TAB2: variants seen among roughly 807,000 people sequenced by gnomAD.
TAB2 encodes the protein TGF-beta activated kinase 1 (MAP3K7) binding protein 2.
Under a neutral mutation model 65.0 loss-of-function variants are expected in TAB2, and 3 were observed. That is an observed-to-expected ratio of 0.05 (90% CI 0.02 to 0.12). The LOEUF (loss-of-function observed/expected upper bound fraction) is 0.12, where lower values mean the gene tolerates loss of function less well. Among genes scored for constraint, TAB2 ranks in the 10% least tolerant of loss-of-function variants. TAB2 has a pLI of 1.00. For synonymous variants in TAB2, 298 were observed against 285.1 expected (o/e 1.05, Z -0.46); for missense variants, 623 against 840.3 (o/e 0.74, Z 3.20).
chr6:149,366,939 C>T (rs749205367), intron 1 of TAB2, among the ~76,000 whole-genome samples: 1 of 143,742 alleles, frequency 7.0e-6, no homozygotes, highest in Non-Finnish European at 1.5e-5. Context: ...TTGCCTCTCC[C>T]TCAAATTGTG....
chr6:149,317,988 GA>G lies in TAB2; in HGVS notation c.-116del. On this transcript the variant is annotated 5_prime_UTR_variant, in exon 1 of 7. Coordinates refer to ENST00000637181, the MANE Select transcript of TAB2 (RefSeq NM_001292034.3). The surrounding 1 kb of genome is among the most constrained non-coding windows in gnomAD (Gnocchi z 4.7). Reference sequence around the variant, plus strand: ...GGCGGCGGCGGCGGCGGCCGAGGAGGAGGAGGGGGAAGCGGCGGCGGCAAAG... The same window carrying G: ...GGCGGCGGCGGCGGCGGCCGAGGAGGGGAGGGGGAAGCGGCGGCGGCAAAG... 5.8e-6 allele frequency: 1 copy of G among 172,396 alleles called. No individual in the cohort carries two copies. The highest frequency in any genetic ancestry group is 2.4e-5 in the African/African-American group (1 of 41,654). 10.7% of individuals were successfully genotyped at this position (172,396 alleles called of 1,614,324 possible). A position where few individuals can be genotyped will look rare whatever the true frequency, so the allele number is the denominator to read the frequency against.
intron 1 of TAB2, among the ~76,000 whole-genome samples, chr6:149,236,904 TC>T (rs1332248595): frequency 1.3e-5 from 2 of 152,224 alleles, no homozygotes; most frequent in African/African-American, 4.8e-5. Flanking sequence ...CATAATCTTT[TC>T]CTTTGACTTT....
chr6:149,374,604 C>T lies in TAB2; in HGVS notation c.103-3414C>T, dbSNP rs144198593. Among the ~76,000 whole-genome samples the T allele has an allele frequency of 5.0e-3, 764 of 152,286 alleles. 8 individuals carry two copies. Among genetic ancestry groups the T allele is most frequent in the African/African-American group, 0.018 (739 of 41,568 alleles). ...GTTTCTAAGCAGTGATCATCAATAGCTGCTAAAAATCATCAGTTGGATCAA... is the reference window on the plus strand; with the variant it reads ...GTTTCTAAGCAGTGATCATCAATAGTTGCTAAAAATCATCAGTTGGATCAA... On this transcript the variant is annotated intron_variant, in intron 2 of 6. Transcript: ENST00000637181.
At chr6:149,289,610 T>A (rs1778739254) in intron 1 of TAB2, among the ~76,000 whole-genome samples, 2 of 152,200 alleles carry the variant, frequency 1.3e-5, no homozygotes, top group African/African-American at 4.8e-5. Flanking sequence ...CTCCAGCCAC[T>A]GGGCCCCTTG....
At chr6:149,234,412 G>T (rs1301076545) in intron 1 of TAB2, among the ~76,000 whole-genome samples, 4 of 152,166 alleles carry the variant, frequency 2.6e-5, no homozygotes, top group Non-Finnish European at 5.9e-5. Flanking sequence ...ACTGGGGCCA[G>T]CAGGAAGTCA....
intron 1 of TAB2, among the ~76,000 whole-genome samples, chr6:149,326,975 G>C (rs1243209367): frequency 6.6e-6 from 1 of 152,142 alleles, no homozygotes; most frequent in Non-Finnish European, 1.5e-5. Context: ...AATTAGGTCA[G>C]CAAATTAATT....
At chr6:149,382,785 T>A (rs2341784) in intron 3 of TAB2, among the ~76,000 whole-genome samples, 18,618 of 152,024 alleles carry the variant, frequency 0.12, 1,750 homozygotes, top group East Asian at 0.51. Context: ...TTGAGAGGGA[T>A]GTAGCTAAAA....
chr6:149,288,854 ATTTTTTT>A (rs71007938), intron 1 of TAB2, among the ~76,000 whole-genome samples: 2 of 115,370 alleles, frequency 1.7e-5, no homozygotes, highest in African/African-American at 7.1e-5. Context: ...TTAATTTTTA[ATTTTTTT>A]TTTTTTTTTT....
At chr6:149,346,906 CT>C (rs1023738609) in intron 1 of TAB2, among the ~76,000 whole-genome samples, 2 of 152,078 alleles carry the variant, frequency 1.3e-5, no homozygotes, top group African/African-American at 2.4e-5. Flanking sequence ...CCTTCAAGTG[CT>C]TTTATTCTCT....
chr6:149,338,535 G>A (rs1403116131), intron 1 of TAB2, among the ~76,000 whole-genome samples: 1 of 152,192 alleles, frequency 6.6e-6, no homozygotes, highest in Non-Finnish European at 1.5e-5. Flanking sequence ...GAAAGTTGAG[G>A]AGGGAAACTA....
At chr6:149,250,040 C>T (rs1044892321) in intron 1 of TAB2, among the ~76,000 whole-genome samples, 5 of 151,930 alleles carry the variant, frequency 3.3e-5, no homozygotes, top group Non-Finnish European at 7.4e-5. Flanking sequence ...AAGGGCATTC[C>T]AGGGAGAGGA....
At chr6:149,321,052 G>C (rs1201564888) in intron 1 of TAB2, 4 of 152,302 alleles carry the variant, frequency 2.6e-5, no homozygotes, top group Non-Finnish European at 5.9e-5. Context: ...AGAATTAGAT[G>C]AAAAGTTTTA....
intron 1 of TAB2, among the ~76,000 whole-genome samples, chr6:149,274,108 C>T (rs1200591652): frequency 6.6e-6 from 1 of 152,240 alleles, no homozygotes; most frequent in Non-Finnish European, 1.5e-5. Flanking sequence ...TGACCTCAAT[C>T]CATAACTCAA....
chr6:149,399,559 T>G (rs1782298099), intron 6 of TAB2, among the ~76,000 whole-genome samples: 1 of 150,904 alleles, frequency 6.6e-6, no homozygotes, highest in Non-Finnish European at 1.5e-5. Context: ...TTAGTTTAAT[T>G]TATATATAAC....
At position 149,378,567 on chromosome 6, in the gene TAB2, T is replaced by C; in HGVS notation, c.652T>C (p.Tyr218His). 6.2e-7 allele frequency: 1 copy of C among 1,613,630 alleles called. No individual in the cohort carries two copies. The highest frequency in any genetic ancestry group is 8.5e-7 in the Non-Finnish European group (1 of 1,179,716). Residue 218 changes from tyrosine (Y) to histidine (H), a missense_variant, in exon 3 of 7, where the codon TAC (tyrosine) becomes CAC (histidine). Tyr to His is a moderately conservative substitution (Grantham distance 83). This residue lies in a region of TAB2 where 550 missense variants were observed against 665.7 expected (regional missense o/e 0.83). Transcript: ENST00000637181. The part of the protein sequence containing the change: ...PQGNSIYIRP[Y>H]ITTPGGTTRQ... Reference sequence around the variant, plus strand: ...GGGAAATTCTATCTATATTAGGCCTTACATTACAACTCCTGGTGGTACAAC... The same window carrying C: ...GGGAAATTCTATCTATATTAGGCCTCACATTACAACTCCTGGTGGTACAAC...
intron 1 of TAB2, among the ~76,000 whole-genome samples, chr6:149,363,692 A>G (rs775371934): frequency 6.6e-6 from 1 of 152,178 alleles, no homozygotes; most frequent in African/African-American, 2.4e-5. Context: ...TATTTAAATT[A>G]TATGGTAGGA....
At chr6:149,403,043 T>C (rs1422214007) in intron 6 of TAB2, among the ~76,000 whole-genome samples, 1 of 151,740 alleles carries the variant, frequency 6.6e-6, no homozygotes, top group Non-Finnish European at 1.5e-5. Flanking sequence ...GAGACCAGCC[T>C]GACCAACATG....
chr6:149,320,424 A>G (rs973848631), intron 1 of TAB2, among the ~76,000 whole-genome samples: 2 of 152,218 alleles, frequency 1.3e-5, no homozygotes, highest in South Asian at 2.1e-4. Flanking sequence ...CTTCTTTAGT[A>G]TTAACAACTT....
Position 149,245,210 on chromosome 6 carries a change from G to A in TAB2, c.-121+26434G>A, listed in dbSNP as rs1030225448. ...TGACAGAGCATGACATTCAGATTCA[G>A]TAGGGCTTAAAGACCCAAGTTTTGG... is the stretch of plus-strand genomic sequence containing the variant. On this transcript the variant is annotated intron_variant, in intron 1 of 1. Coordinates refer to the TAB2 transcript ENST00000606202. The A allele has an allele frequency of 5.9e-5, 9 of 152,210 alleles. No homozygotes were observed. The East Asian group carries it at 1.5e-3, about 26-fold the overall frequency. 9.4% of individuals were successfully genotyped at this position (152,210 alleles called of 1,614,324 possible).
Sources: allele counts gnomAD v4.1 joint callset (sites outside exome capture counted in the v4.1 genomes callset), GRCh38; gene constraint gnomAD v4.1.1; regional missense constraint gnomAD v4.1.1; non-coding constraint Gnocchi (gnomAD v3.1); transcripts MANE v1.5; gene names NCBI Gene and HGNC (gene_info 2026-07-23, HGNC 2026-07-21).